The following LMLN variants were observed in gnomAD, a reference collection of about 807,000 sequenced individuals.
LMLN encodes the protein leishmanolysin-like peptidase.
A neutral mutation model predicts 92.3 loss-of-function variants in LMLN; 70 were observed. The observed-to-expected ratio is 0.76, with a 90% CI of 0.63 to 0.92. The LOEUF (loss-of-function observed/expected upper bound fraction) is 0.92. LMLN is among the 40% of genes least tolerant of loss of function. The probability of loss-of-function intolerance (pLI) is 0.00; values close to 1 mark genes in which losing one functional copy is unlikely to be tolerated. For missense variants in LMLN, 691 were observed against 814.6 expected (o/e 0.85, Z 1.85); for synonymous variants, 308 against 296.2 (o/e 1.04, Z -0.41).
chr3:197,968,478 G>A (rs11185490), intron 1 of LMLN, among the ~76,000 whole-genome samples: 12,533 of 151,624 alleles, frequency 0.083, 585 homozygotes, highest in African/African-American at 0.13. Context: ...AAAAGAAATT[G>A]TAAGAGTATT....
At chr3:197,971,619 CTG>C (rs1721226018) in intron 1 of LMLN, among the ~76,000 whole-genome samples, 1 of 152,188 alleles carries the variant, frequency 6.6e-6, no homozygotes, top group African/African-American at 2.4e-5. Flanking sequence ...AAGTCTCACT[CTG>C]TTGCCCAGGC....
intron 9 of LMLN, among the ~76,000 whole-genome samples, chr3:197,992,475 AAC>A (rs1326760013): frequency 2.6e-4 from 40 of 152,246 alleles, no homozygotes; most frequent in African/African-American, 9.6e-4. Context: ...ATACCACAGA[AAC>A]ACAAAGGATC....
chr3:197,999,051 T>C (rs752381336), intron 10 of LMLN, among the ~76,000 whole-genome samples: 1 of 152,212 alleles, frequency 6.6e-6, no homozygotes, highest in Non-Finnish European at 1.5e-5. Flanking sequence ...TCCAAGGGAA[T>C]TGAACACAAT....
rs1365896614 is a variant in LMLN at position 197,971,968 on chromosome 3, T to TA, written c.220-2408dup. On this transcript the variant is annotated intron_variant, in intron 1 of 15. Coordinates refer to ENST00000330198, the Ensembl canonical transcript of LMLN. The stretch of plus-strand genomic sequence containing the variant: ...TCTTTTTTTTTTTTTTTTTTTTTTT[T>TA]AGTCTTTTTCATTTCTCTTCTTCGG... Among the ~76,000 whole-genome samples the TA allele has an allele frequency of 3.7e-5, 5 of 134,570 alleles. No homozygotes were observed. In the South Asian group the frequency reaches 6.8e-4, roughly 18 times the overall value. 88.3% of individuals were successfully genotyped at this position (134,570 alleles called of 152,430 possible). A position where few individuals can be genotyped will look rare whatever the true frequency, so the allele number is the denominator to read the frequency against.
At chr3:197,998,471 A>G (rs1722086806) in intron 10 of LMLN, among the ~76,000 whole-genome samples, 1 of 152,096 alleles carries the variant, frequency 6.6e-6, no homozygotes, top group South Asian at 2.1e-4. Context: ...AAAGCTGTAC[A>G]TTGGCCAGAA....
intron 14 of LMLN, among the ~76,000 whole-genome samples, chr3:198,030,749 T>A (rs1260826246): frequency 6.6e-6 from 1 of 152,242 alleles, no homozygotes; most frequent in Non-Finnish European, 1.5e-5. Flanking sequence ...GGATTTTTTT[T>A]ATTTTAATGG....
At chr3:198,020,766 G>GAATTTTTTTT (rs1722755003) in intron 12 of LMLN, among the ~76,000 whole-genome samples, 1 of 25,644 alleles carries the variant, frequency 3.9e-5, no homozygotes, top group South Asian at 1.1e-3. Flanking sequence ...GCTAATTTTT[G>GAATTTTTTTT]TATTTTTTTT....
chr3:197,962,991 C>T (rs982260990), intron 1 of LMLN, among the ~76,000 whole-genome samples: 9 of 151,988 alleles, frequency 5.9e-5, no homozygotes, highest in Admixed American at 2.0e-4. Context: ...TTAGAGTCAG[C>T]TTCTCAGTTT....
In LMLN at chr3:198,025,691, A is replaced by G. The variant is rs1435512011; in HGVS notation, c.1656+903A>G. ...CGCCTACTATTTCCTTAATTATCTT[A>G]TTTGCACATCTGATATTATATGACA... On this transcript the variant is annotated intron_variant, in intron 14 of 15. Transcript: ENST00000330198. The surrounding 1 kb of genome is among the most constrained non-coding windows in gnomAD (Gnocchi z 4.3). 6.6e-6 allele frequency among the ~76,000 whole-genome samples: 1 copy of G among 152,142 alleles called. No individual in the cohort carries two copies.
intron 1 of LMLN, among the ~76,000 whole-genome samples, chr3:197,964,078 A>G (rs2109837987): frequency 6.6e-6 from 1 of 152,200 alleles, no homozygotes; most frequent in East Asian, 1.9e-4. Context: ...GGTAGATTAC[A>G]TTGCATTTTC....
chr3:198,022,112 G>A (rs931999548), intron 13 of LMLN, among the ~76,000 whole-genome samples: 2 of 152,128 alleles, frequency 1.3e-5, no homozygotes, highest in Non-Finnish European at 2.9e-5. Context: ...CCTCAGATAA[G>A]CTGCTTTTTC....
At chr3:198,017,700 C>T (rs1722677867) in intron 11 of LMLN, among the ~76,000 whole-genome samples, 1 of 152,062 alleles carries the variant, frequency 6.6e-6, no homozygotes, top group South Asian at 2.1e-4. Flanking sequence ...GGGCAGATCA[C>T]GAGGTCCAGA....
intron 8 of LMLN, among the ~76,000 whole-genome samples, chr3:197,988,443 A>G (rs1475038245): frequency 7.5e-6 from 1 of 134,162 alleles, no homozygotes; most frequent in African/African-American, 2.8e-5. Flanking sequence ...AGGTGCATAT[A>G]TGTTTATAAT....
intron 1 of LMLN, among the ~76,000 whole-genome samples, chr3:197,969,879 C>T (rs1721175254): frequency 6.6e-6 from 1 of 152,172 alleles, no homozygotes; most frequent in Non-Finnish European, 1.5e-5. Context: ...CACAGTGGCT[C>T]ATGCTTGTAA....
intron 11 of LMLN, among the ~76,000 whole-genome samples, chr3:197,999,994 T>G (rs1019060309): frequency 6.6e-6 from 1 of 152,258 alleles, no homozygotes; most frequent in African/African-American, 2.4e-5. Context: ...GACTAAACAA[T>G]TTTTAAATGA....
At chr3:197,992,089 C>CA (rs869163432) in intron 9 of LMLN, among the ~76,000 whole-genome samples, 9,836 of 65,266 alleles carry the variant, frequency 0.15, 502 homozygotes, top group African/African-American at 0.23. Context: ...GACCCTGTCT[C>CA]AAAAAAAAAA....
chr3:198,012,684 G>C (rs1471681934), intron 11 of LMLN, among the ~76,000 whole-genome samples: 4 of 144,974 alleles, frequency 2.8e-5, no homozygotes, highest in African/African-American at 5.2e-5. Flanking sequence ...TGACTTCTCT[G>C]TACCCTTCAG....
chr3:197,973,353 T>C (rs1721283142), intron 1 of LMLN, among the ~76,000 whole-genome samples: 1 of 152,074 alleles, frequency 6.6e-6, no homozygotes, highest in African/African-American at 2.4e-5. Context: ...GCAATTCTCC[T>C]GCCTCACCCT....
chr3:197,963,195 C>T (rs1720954064), intron 1 of LMLN, among the ~76,000 whole-genome samples: 3 of 125,990 alleles, frequency 2.4e-5, no homozygotes, highest in South Asian at 2.2e-4. Context: ...GTTTTCTTTT[C>T]TCTCTCTTTT....
Sources: gnomAD v4.1 joint callset for allele counts (sites outside exome capture counted in the v4.1 genomes callset) on GRCh38, gnomAD v4.1.1 for gene constraint, Gnocchi (gnomAD v3.1) non-coding constraint, MANE v1.5 for transcripts, NCBI Gene and HGNC (gene_info 2026-07-23, HGNC 2026-07-21) for gene names.